DGKB: variants seen among roughly 807,000 people sequenced by gnomAD.
The protein encoded by DGKB is diacylglycerol kinase beta.
A neutral mutation model predicts 114.3 loss-of-function variants in DGKB; 67 were observed. That is an observed-to-expected ratio of 0.59 (90% CI 0.48 to 0.72). The LOEUF is 0.72. DGKB is among the 30% of genes least tolerant of loss of function. The probability of loss-of-function intolerance (pLI) is 0.00; values close to 1 mark genes in which losing one functional copy is unlikely to be tolerated. For missense variants in DGKB, 907 were observed against 975.2 expected (o/e 0.93, Z 0.93); for synonymous variants, 398 against 323.1 (o/e 1.23, Z -2.49).
At chr7:14,495,815 A>G (rs1367633374) in intron 20 of DGKB, among the ~76,000 whole-genome samples, 1 of 151,786 alleles carries the variant, frequency 6.6e-6, no homozygotes, top group Non-Finnish European at 1.5e-5. Context: ...AACGAAAACA[A>G]TAAAGCTTAG....
At chr7:14,862,331 C>T (rs1851102930) in intron 1 of DGKB, among the ~76,000 whole-genome samples, 1 of 152,042 alleles carries the variant, frequency 6.6e-6, no homozygotes, top group African/African-American at 2.4e-5. Flanking sequence ...ATGTTACCCT[C>T]TTATCAAATT....
chr7:14,855,682 A>T (rs1850045676), intron 1 of DGKB, among the ~76,000 whole-genome samples: 1 of 151,984 alleles, frequency 6.6e-6, no homozygotes, highest in South Asian at 2.1e-4. Flanking sequence ...AATTCTTTTG[A>T]TCATAATGTT....
chr7:14,896,154 G>A (rs181076324), intron 1 of DGKB, among the ~76,000 whole-genome samples: 1 of 151,636 alleles, frequency 6.6e-6, no homozygotes, highest in Admixed American at 6.6e-5. Context: ...AAATAGCAGA[G>A]TAGCCAATAT....
At chr7:14,856,668 T>C (rs1481412158) in intron 1 of DGKB, among the ~76,000 whole-genome samples, 1 of 152,038 alleles carries the variant, frequency 6.6e-6, no homozygotes, top group East Asian at 1.9e-4. Flanking sequence ...TGTGTGTGTA[T>C]ATATATATAA....
chr7:14,371,545 TTA>T (rs1328399889), intron 21 of DGKB, among the ~76,000 whole-genome samples: 12 of 152,314 alleles, frequency 7.9e-5, no homozygotes, highest in African/African-American at 2.9e-4. Context: ...TTTTGTTTCC[TTA>T]TGTGTTCAAA....
intron 2 of DGKB, among the ~76,000 whole-genome samples, chr7:14,832,097 T>C (rs1014815520): frequency 6.6e-6 from 1 of 152,124 alleles, no homozygotes; most frequent in Admixed American, 6.6e-5. Flanking sequence ...CCACACATTA[T>C]TTTATTTGGG....
At chr7:14,340,039 C>G (rs1234358148) in intron 22 of DGKB, among the ~76,000 whole-genome samples, 1 of 151,610 alleles carries the variant, frequency 6.6e-6, no homozygotes, top group Non-Finnish European at 1.5e-5. Context: ...AAAATAAAAA[C>G]TGTGAAATAA....
chr7:14,176,759 A>G, intron 25 of DGKB, 80 bp downstream of exon 25: 1 of 1,558,108 alleles, frequency 6.4e-7, no homozygotes, highest in Non-Finnish European at 8.7e-7. Context: ...ATAAAGAAAA[A>G]AATCAGTTAT....
chr7:14,401,374 G>C (rs1463260914), intron 21 of DGKB, among the ~76,000 whole-genome samples: 2 of 151,884 alleles, frequency 1.3e-5, no homozygotes, highest in Admixed American at 6.6e-5. Context: ...ACACAAGAGA[G>C]CCAACATAAC....
chr7:14,635,344 G>A (rs950233857), intron 13 of DGKB, among the ~76,000 whole-genome samples: 5 of 88,838 alleles, frequency 5.6e-5, no homozygotes, highest in Admixed American at 3.7e-4. Context: ...GTATTTGGGG[G>A]CTATTAGAGA....
intron 6 of DGKB, among the ~76,000 whole-genome samples, chr7:14,716,924 G>A (rs1236076078): frequency 1.3e-5 from 2 of 151,932 alleles, no homozygotes; most frequent in Non-Finnish European, 2.9e-5. Context: ...TATAAGAAGA[G>A]TCTGAAGAAA....
intron 20 of DGKB, among the ~76,000 whole-genome samples, chr7:14,513,498 C>T (rs1295195656): frequency 6.8e-6 from 1 of 146,360 alleles, no homozygotes; most frequent in Non-Finnish European, 1.5e-5. Context: ...GACAGTCAAA[C>T]AGTCTCATTC....
At chr7:14,543,637 T>G (rs1310188330) in intron 20 of DGKB, among the ~76,000 whole-genome samples, 1 of 152,164 alleles carries the variant, frequency 6.6e-6, no homozygotes, top group East Asian at 1.9e-4. Context: ...AGTAACTTGC[T>G]CACAGTAGTG....
At chr7:14,657,359 GA>G (rs1816063151) in intron 13 of DGKB, among the ~76,000 whole-genome samples, 1 of 151,622 alleles carries the variant, frequency 6.6e-6, no homozygotes, top group African/African-American at 2.4e-5. Context: ...CCAAAATATG[GA>G]AAAATGAGGT....
chr7:14,541,168 G>A (rs1258954662), intron 20 of DGKB, among the ~76,000 whole-genome samples: 1 of 151,864 alleles, frequency 6.6e-6, no homozygotes, highest in Non-Finnish European at 1.5e-5. Flanking sequence ...AGATCTGTGG[G>A]ATTCCTTCAC....
rs1189338657 is a variant in DGKB, at chr7:14,338,679, A to G, written c.1958T>C (p.Ile653Thr). The stretch of plus-strand genomic sequence containing the variant: ...CAAAATAGCAATTCCTTCCAGAGAG[A>G]TGTTTATTAAATCTATCTGTACTCC... ...CDGVQIDLIN[I>T]SLEGIAILNI... The change falls in exon 23 of 26, where the codon ATC becomes ACC. Residue 653 changes from isoleucine (I) to threonine (T), a missense_variant. Coordinates refer to ENST00000402815, the MANE Select transcript of DGKB (RefSeq NM_001350709.2). 1.3e-6 allele frequency: 2 copies of G among 1,589,084 alleles called. No homozygotes were observed. The highest frequency in any genetic ancestry group is 1.8e-5 in the Admixed American group (1 of 56,600).
chr7:14,307,231 T>C (rs1328397418), intron 23 of DGKB, among the ~76,000 whole-genome samples: 1 of 152,152 alleles, frequency 6.6e-6, no homozygotes, highest in East Asian at 1.9e-4. Context: ...ATAACTGTGA[T>C]CACTATCTCA....
intron 23 of DGKB, among the ~76,000 whole-genome samples, chr7:14,231,760 T>C (rs1363806293): frequency 1.3e-5 from 2 of 152,044 alleles, no homozygotes; most frequent in African/African-American, 4.8e-5. Flanking sequence ...AGGTTCACTT[T>C]AATGTGATTC....
chr7:14,776,324 A>G (rs913221148), intron 2 of DGKB, among the ~76,000 whole-genome samples: 7 of 152,356 alleles, frequency 4.6e-5, no homozygotes, highest in African/African-American at 1.2e-4. Flanking sequence ...AGAAATTTGT[A>G]TAAGTAACAA....
Sources: allele counts gnomAD v4.1 joint callset (sites outside exome capture counted in the v4.1 genomes callset), GRCh38; gene constraint gnomAD v4.1.1; transcripts MANE v1.5; gene names NCBI Gene and HGNC (gene_info 2026-07-23, HGNC 2026-07-21).